LPP: variants seen among roughly 807,000 people sequenced by gnomAD.
The protein encoded by LPP is LIM domain containing preferred translocation partner in lipoma.
Under a neutral mutation model 60.4 loss-of-function variants are expected in LPP, and 38 were observed. The observed-to-expected ratio is 0.63, with a 90% CI of 0.49 to 0.83. The LOEUF is 0.83. Among genes scored for constraint, LPP ranks in the 40% least tolerant of loss-of-function variants. LPP has a pLI of 0.00. For missense variants in LPP, 902 were observed against 783.6 expected, an observed-to-expected ratio of 1.15 and a Z score of -1.80; for synonymous variants, 328 against 290.8, an observed-to-expected ratio of 1.13 and a Z score of -1.30.
intron 7 of LPP, among the ~76,000 whole-genome samples, chr3:188,632,689 G>A (rs921291752): frequency 6.6e-6 from 1 of 152,162 alleles, no homozygotes; most frequent in Non-Finnish European, 1.5e-5. Flanking sequence ...CAAGTCACCA[G>A]AAAAGGGCTT....
At chr3:188,801,831 A>G (rs1489379689) in intron 9 of LPP, among the ~76,000 whole-genome samples, 2 of 152,194 alleles carry the variant, frequency 1.3e-5, no homozygotes, top group Non-Finnish European at 2.9e-5. Flanking sequence ...GACTGTTCTT[A>G]CCTTTTGTGA....
intron 9 of LPP, among the ~76,000 whole-genome samples, chr3:188,776,795 TC>T (rs1737942327): frequency 6.6e-6 from 1 of 152,164 alleles, no homozygotes; most frequent in South Asian, 2.1e-4. Context: ...CTGAAGATTC[TC>T]CAACCCAAGC....
intron 2 of LPP, among the ~76,000 whole-genome samples, chr3:188,309,077 A>C (rs1226288748): frequency 9.6e-6 from 1 of 104,528 alleles, no homozygotes; most frequent in Non-Finnish European, 1.8e-5. Context: ...GCTGGAGTGT[A>C]GTGGTGCAAT....
intron 1 of LPP, among the ~76,000 whole-genome samples, chr3:188,219,322 A>G (rs1714920232): frequency 1.3e-5 from 2 of 152,162 alleles, no homozygotes. Flanking sequence ...CCTGTTCCCC[A>G]TGCTGTGTTT....
At chr3:188,792,399 T>G (rs1744056115) in intron 9 of LPP, among the ~76,000 whole-genome samples, 2 of 152,184 alleles carry the variant, frequency 1.3e-5, no homozygotes, top group Non-Finnish European at 2.9e-5. Context: ...CTCCTCAGAT[T>G]GTGCCAGACA....
At chr3:188,833,927 T>G (rs1209263365) in intron 9 of LPP, among the ~76,000 whole-genome samples, 1 of 152,240 alleles carries the variant, frequency 6.6e-6, no homozygotes, top group Non-Finnish European at 1.5e-5. Flanking sequence ...TTTATATATC[T>G]GTTTATATTA....
chr3:188,835,934 T>C (rs73199030), intron 9 of LPP, among the ~76,000 whole-genome samples: 4 of 152,352 alleles, frequency 2.6e-5, no homozygotes, highest in Non-Finnish European at 4.4e-5. Context: ...TGCATCTTGT[T>C]CCAGGGTACT....
intron 4 of LPP, among the ~76,000 whole-genome samples, chr3:188,483,021 T>G (rs1015865622): frequency 6.6e-6 from 1 of 152,200 alleles, no homozygotes; most frequent in South Asian, 2.1e-4. Flanking sequence ...ATTGATGAAC[T>G]CTAAAGTTTG....
At chr3:188,675,713 C>T (rs1416725981) in intron 7 of LPP, among the ~76,000 whole-genome samples, 1 of 152,144 alleles carries the variant, frequency 6.6e-6, no homozygotes, top group Non-Finnish European at 1.5e-5. Context: ...ATTTCAACTC[C>T]AACATTTAAT....
chr3:188,835,661 G>T (rs111370831), intron 9 of LPP, among the ~76,000 whole-genome samples: 6 of 152,222 alleles, frequency 3.9e-5, no homozygotes, highest in African/African-American at 1.4e-4. Context: ...GTGAGATATA[G>T]GGCAAGACTC....
Position 188,358,336 on chromosome 3 carries a change from C to T in LPP, c.-10+16617C>T, listed in dbSNP as rs1768217927. On this transcript the variant is annotated intron_variant, in intron 3 of 11. Coordinates refer to ENST00000617246, the MANE Select transcript of LPP (RefSeq NM_001375462.1). ...TTCCACATGGTGATTATAATTATAA[C>T]TGCCTGTTCTACTTTCCTGTACGTT... Among the ~76,000 whole-genome samples the T allele has an allele frequency of 2.6e-5, 4 of 152,212 alleles. No individual in the cohort carries two copies. The South Asian group carries it at 8.3e-4, about 32-fold the overall frequency.
intron 4 of LPP, among the ~76,000 whole-genome samples, chr3:188,475,775 C>T (rs1014884963): frequency 6.6e-6 from 1 of 152,030 alleles, no homozygotes; most frequent in Non-Finnish European, 1.5e-5. Context: ...TGGTGGCGGG[C>T]GCCTGTAGTC....
intron 7 of LPP, among the ~76,000 whole-genome samples, chr3:188,683,802 C>G (rs918836321): frequency 6.6e-6 from 1 of 152,122 alleles, no homozygotes; most frequent in Admixed American, 6.5e-5. Flanking sequence ...CCTACTGTAA[C>G]AAAGCCATTG....
chr3:188,765,831 C>T (rs1182529922), intron 9 of LPP, among the ~76,000 whole-genome samples: 2 of 150,484 alleles, frequency 1.3e-5, no homozygotes, highest in Non-Finnish European at 3.0e-5. Flanking sequence ...CTTGCACCAC[C>T]ACGTGCAACG....
chr3:188,573,521 G>T lies in LPP; in HGVS notation c.430-35640G>T, dbSNP rs73054793. Among the ~76,000 whole-genome samples, 863 of 152,204 alleles carry T rather than the reference G, an allele frequency of 5.7e-3. 10 individuals carry two copies. Among genetic ancestry groups the T allele is most frequent in the African/African-American group, 0.02 (831 of 41,528 alleles). ...CGTCGTAGCTTAGCAGAGGGGCATT[G>T]TCCCAGCGTTTCGGTAGATACTTCC... On this transcript the variant is annotated intron_variant, in intron 6 of 11. Coordinates refer to ENST00000617246, the MANE Select transcript of LPP (RefSeq NM_001375462.1).
chr3:188,192,192 A>G (rs772099082), intron 1 of LPP, among the ~76,000 whole-genome samples: 2 of 152,254 alleles, frequency 1.3e-5, no homozygotes, highest in Non-Finnish European at 2.9e-5. Flanking sequence ...CAGAGGAGGT[A>G]GCGATTAGAA....
intron 5 of LPP, among the ~76,000 whole-genome samples, chr3:188,505,938 A>G (rs976199575): frequency 6.6e-6 from 1 of 152,122 alleles, no homozygotes; most frequent in South Asian, 2.1e-4. Context: ...ACCTCATCCT[A>G]TGTAGCACAC....
rs1553782707 is a variant in LPP at position 188,657,258 on chromosome 3, G to GTGTATA, written c.1113+47415_1113+47416insGTATAT. Among the ~76,000 whole-genome samples, 7 of 89,820 alleles carry GTGTATA rather than the reference G, an allele frequency of 7.8e-5. No individual in the cohort carries two copies. The East Asian group carries it at 2.1e-3, about 26-fold the overall frequency. The allele number at this position is 89,820 out of a possible 152,430, so 58.9% of individuals were successfully genotyped here. A position where few individuals can be genotyped will look rare whatever the true frequency, so the allele number is the denominator to read the frequency against. ...ATAAGTTTTCAAGAGCTGTCAAGGTGTATATATATATATATATATATATTT... is the reference window on the plus strand; with the variant it reads ...ATAAGTTTTCAAGAGCTGTCAAGGTGTGTATATATATATATATATATATATATATTT... On this transcript the variant is annotated intron_variant, in intron 7 of 11. Transcript: ENST00000617246.
intron 7 of LPP, among the ~76,000 whole-genome samples, chr3:188,681,177 G>A (rs1467910518): frequency 6.6e-6 from 1 of 152,052 alleles, no homozygotes; most frequent in Admixed American, 6.5e-5. Flanking sequence ...TGTATTTTTA[G>A]TAGGGATGGG....
Sources: gnomAD v4.1 joint callset for allele counts (sites outside exome capture counted in the v4.1 genomes callset) on GRCh38, gnomAD v4.1.1 for gene constraint, MANE v1.5 for transcripts, NCBI Gene and HGNC (gene_info 2026-07-23, HGNC 2026-07-21) for gene names.